SAMMSON: variants seen among roughly 807,000 people sequenced by gnomAD.
SAMMSON encodes the protein long intergenic non-protein coding RNA 1212.
At chr3:70,326,333 GT>G (rs1244789075) in intron 7 of SAMMSON, among the ~76,000 whole-genome samples, 8 of 152,094 alleles carry the variant, frequency 5.3e-5, no homozygotes, top group African/African-American at 1.9e-4. Flanking sequence ...CAACCATTCT[GT>G]GCTGTACTTT....
At chr3:70,309,096 T>A (rs983431425) in intron 7 of SAMMSON, among the ~76,000 whole-genome samples, 2 of 152,024 alleles carry the variant, frequency 1.3e-5, no homozygotes, top group African/African-American at 4.8e-5. Context: ...AGGTTGGAGG[T>A]CGACACATTT....
chr3:70,173,590 A>G (rs1439336775), intron 4 of SAMMSON, among the ~76,000 whole-genome samples: 4 of 151,954 alleles, frequency 2.6e-5, no homozygotes, highest in African/African-American at 9.7e-5. Context: ...AAGTAGGAGA[A>G]TTTATATATG....
In SAMMSON at chr3:70,008,555, T is replaced by G. The variant is rs557576396; in HGVS notation, n.23-3802T>G. 2.9e-3 allele frequency among the ~76,000 whole-genome samples: 438 copies of G among 152,288 alleles called. 1 individual carries two copies. The highest frequency in any genetic ancestry group is 0.01 in the African/African-American group (423 of 41,582). On this transcript the variant is annotated intron_variant and non_coding_transcript_variant, in intron 1 of 9. Transcript: ENST00000642114. ...GATTTTGGGCTGAGATGATGGGGTT[T>G]TCTAGATATACAGTCATGTCATCTG...
At chr3:70,040,828 A>G (rs1240504652) in intron 3 of SAMMSON, among the ~76,000 whole-genome samples, 1 of 152,130 alleles carries the variant, frequency 6.6e-6, no homozygotes, top group Admixed American at 6.6e-5. Context: ...GTATGCCATA[A>G]TCAGGATGCA....
At chr3:70,162,960 C>G (rs72941517) in intron 4 of SAMMSON, among the ~76,000 whole-genome samples, 182 of 151,754 alleles carry the variant, frequency 1.2e-3, no homozygotes, top group African/African-American at 4.2e-3. Context: ...TATAGTTACC[C>G]AACTTGTTTT....
At chr3:70,313,581 C>G (rs1702473909) in intron 7 of SAMMSON, among the ~76,000 whole-genome samples, 1 of 151,866 alleles carries the variant, frequency 6.6e-6, no homozygotes, top group East Asian at 1.9e-4. Flanking sequence ...ATGAATAGCC[C>G]ACCATTTCTA....
chr3:70,013,004 T>G (rs2066964540), intron 2 of SAMMSON, among the ~76,000 whole-genome samples: 1 of 152,192 alleles, frequency 6.6e-6, no homozygotes, highest in Admixed American at 6.5e-5. Context: ...TGGAGGAAGA[T>G]CATCTAGTTT....
At chr3:70,416,568 G>A (rs1701266271) in intron 2 of SAMMSON, among the ~76,000 whole-genome samples, 1 of 152,086 alleles carries the variant, frequency 6.6e-6, no homozygotes, top group Non-Finnish European at 1.5e-5. Context: ...ACAATCTGGA[G>A]TGATTTTCTG....
chr3:70,395,734 A>G (rs920828133), intron 2 of SAMMSON, among the ~76,000 whole-genome samples: 1 of 152,068 alleles, frequency 6.6e-6, no homozygotes, highest in Non-Finnish European at 1.5e-5. Flanking sequence ...TCATCATCCA[A>G]CCAGGTAAGA....
chr3:70,268,694 T>G (rs1203645724), intron 6 of SAMMSON, among the ~76,000 whole-genome samples: 1 of 152,202 alleles, frequency 6.6e-6, no homozygotes, highest in Non-Finnish European at 1.5e-5. Context: ...TTGCAGCTGA[T>G]TTTTAAGAGC....
chr3:70,077,985 G>A (rs2067254962), intron 4 of SAMMSON, among the ~76,000 whole-genome samples: 1 of 152,068 alleles, frequency 6.6e-6, no homozygotes, highest in African/African-American at 2.4e-5. Context: ...GGCATTCCTT[G>A]ACCCCGTTTA....
At chr3:70,255,245 T>C (rs1368344809) in intron 6 of SAMMSON, among the ~76,000 whole-genome samples, 4 of 152,186 alleles carry the variant, frequency 2.6e-5, no homozygotes, top group Admixed American at 1.3e-4. Context: ...AGTAGCTTAG[T>C]GGACCAATGA....
intron 4 of SAMMSON, among the ~76,000 whole-genome samples, chr3:70,148,276 A>G (rs2067557153): frequency 6.6e-6 from 1 of 152,134 alleles, no homozygotes; most frequent in Admixed American, 6.6e-5. Flanking sequence ...ATTCCCTAGT[A>G]GGTATTTACC....
chr3:70,131,291 A>G (rs541525824), intron 4 of SAMMSON, among the ~76,000 whole-genome samples: 4 of 152,298 alleles, frequency 2.6e-5, no homozygotes, highest in Non-Finnish European at 5.9e-5. Context: ...GAAAGTTGCA[A>G]GTTTCCTCTA....
rs538396550 is a variant in SAMMSON, at chr3:70,261,630, A to C, written n.674+11960A>C. Among the ~76,000 whole-genome samples, 7 of 152,264 alleles carry C rather than the reference A, an allele frequency of 4.6e-5. No homozygotes were observed. The South Asian group carries it at 1.2e-3, about 27-fold the overall frequency. On this transcript the variant is annotated intron_variant and non_coding_transcript_variant, in intron 6 of 9. Coordinates refer to ENST00000642114, the Ensembl canonical transcript of SAMMSON. ...TGAATGGGCTTTCTTCACTTTCAAC[A>C]ATTTCTACCATAAGTGCAGGACCAG...
intron 3 of SAMMSON, among the ~76,000 whole-genome samples, chr3:70,022,964 C>G (rs1471488466): frequency 6.6e-6 from 1 of 152,118 alleles, no homozygotes; most frequent in Non-Finnish European, 1.5e-5. Context: ...ATGTAATTGC[C>G]TTGAATTAAG....
intron 7 of SAMMSON, among the ~76,000 whole-genome samples, chr3:70,315,545 A>G (rs569975881): frequency 6.6e-6 from 1 of 152,156 alleles, no homozygotes; most frequent in Non-Finnish European, 1.5e-5. Flanking sequence ...GATCAACTTT[A>G]TATCACTTGT....
chr3:70,063,280 C>T (rs1399674699), intron 3 of SAMMSON, among the ~76,000 whole-genome samples: 1 of 152,112 alleles, frequency 6.6e-6, no homozygotes, highest in Non-Finnish European at 1.5e-5. Context: ...TTATTCTACA[C>T]CAAATATATC....
intron 7 of SAMMSON, among the ~76,000 whole-genome samples, chr3:70,314,516 A>G (rs971490019): frequency 2.0e-5 from 3 of 152,154 alleles, no homozygotes; most frequent in African/African-American, 7.2e-5. Flanking sequence ...CATTTGAACA[A>G]CAATAATCAC....
Sources: allele counts gnomAD v4.1 joint callset (sites outside exome capture counted in the v4.1 genomes callset), GRCh38; gene constraint gnomAD v4.1.1; transcripts MANE v1.5; gene names NCBI Gene and HGNC (gene_info 2026-07-23, HGNC 2026-07-21).